Variants in PUS7 observed in about 807,000 individuals in gnomAD.
PUS7 encodes pseudouridine synthase 7.
Under a neutral mutation model 79.8 loss-of-function variants are expected in PUS7, and 48 were observed. The observed-to-expected ratio is 0.60, with a 90% CI of 0.48 to 0.76. PUS7 has a LOEUF of 0.76. PUS7 is among the 30% of genes least tolerant of loss of function. The probability of loss-of-function intolerance (pLI) is 0.00; values close to 1 mark genes in which losing one functional copy is unlikely to be tolerated. For synonymous variants in PUS7, 286 were observed against 272.2 expected (o/e 1.05, Z -0.50); for missense variants, 729 against 797.6 (o/e 0.91, Z 1.04).
intron 12 of PUS7, among the ~76,000 whole-genome samples, chr7:105,467,756 C>G (rs909415892): frequency 6.6e-6 from 1 of 151,822 alleles, no homozygotes; most frequent in African/African-American, 2.4e-5. Context: ...AGGCCGGGCA[C>G]AGTGGCTCAC....
At chr7:105,459,696 C>T (rs1388712389) in intron 14 of PUS7, among the ~76,000 whole-genome samples, 1 of 151,980 alleles carries the variant, frequency 6.6e-6, no homozygotes, top group Non-Finnish European at 1.5e-5. Flanking sequence ...CCACAGTCTC[C>T]CCAACTGCTG....
intron 12 of PUS7, among the ~76,000 whole-genome samples, chr7:105,467,038 T>G (rs1586094727): frequency 9.2e-6 from 1 of 108,884 alleles, no homozygotes; most frequent in East Asian, 2.0e-4. Flanking sequence ...TTTTCTGTTT[T>G]TTTTTTTTTT....
intron 9 of PUS7, among the ~76,000 whole-genome samples, chr7:105,477,473 C>T (rs970150872): frequency 1.3e-5 from 2 of 152,038 alleles, no homozygotes; most frequent in African/African-American, 4.8e-5. Context: ...TGGTCTTGAA[C>T]TCCCGACCTC....
At chr7:105,462,577 T>A in intron 14 of PUS7, 44 bp downstream of exon 14, 1 of 1,606,662 alleles carries the variant, frequency 6.2e-7, no homozygotes, top group Non-Finnish European at 8.5e-7. Flanking sequence ...AGCTTACAAC[T>A]TATATGGTAA....
intron 5 of PUS7, among the ~76,000 whole-genome samples, chr7:105,499,192 G>A (rs1229980224): frequency 2.6e-5 from 4 of 152,124 alleles, no homozygotes; most frequent in Non-Finnish European, 5.9e-5. Context: ...TAATTATCTT[G>A]CTGGACCTAT....
intron 9 of PUS7, 125 bp from the exon 10 acceptor site, chr7:105,472,318 C>T (rs906001449): frequency 1.2e-5 from 7 of 585,700 alleles, no homozygotes; most frequent in African/African-American, 1.9e-5. Context: ...CCAGGCTCTA[C>T]TCCCAGGCTC....
At chr7:105,500,055 T>C (rs374491051) in intron 5 of PUS7, among the ~76,000 whole-genome samples, 2 of 152,048 alleles carry the variant, frequency 1.3e-5, no homozygotes, top group East Asian at 3.9e-4. Flanking sequence ...TGGCCTTCCA[T>C]GAGGAGGTGG....
rs1823197259 is a variant in PUS7 at position 105,456,571 on chromosome 7, T to G, written c.*1219A>C. On this transcript the variant is annotated 3_prime_UTR_variant, in exon 16 of 16. Transcript: ENST00000469408. ...GTAGAAAGGAGATTTTAAAAATATT[T>G]ATTACATTTGTTTCTAGAAATCATA... The G allele has an allele frequency of 6.6e-6, 1 of 152,202 alleles. No individual in the cohort carries two copies. The highest frequency in any genetic ancestry group is 6.5e-5 in the Admixed American group (1 of 15,270). The allele number at this position is 152,202 out of a possible 1,614,324, so 9.4% of individuals were successfully genotyped here.
At chr7:105,514,384 C>T (rs1007733669) in intron 1 of PUS7, among the ~76,000 whole-genome samples, 46 of 152,248 alleles carry the variant, frequency 3.0e-4, no homozygotes, top group African/African-American at 1.1e-3. Flanking sequence ...GCAGGTGGAT[C>T]ACAAGGTCAA....
Position 105,513,833 on chromosome 7 carries a change from G to A in PUS7, c.-32-5289C>T, listed in dbSNP as rs1485838748. Among the ~76,000 whole-genome samples, 14 of 126,416 alleles carry A rather than the reference G, an allele frequency of 1.1e-4. No individual in the cohort carries two copies. In the East Asian group the frequency reaches 2.8e-3, roughly 25 times the overall value. 82.9% of individuals were successfully genotyped at this position (126,416 alleles called of 152,430 possible). A position where few individuals can be genotyped will look rare whatever the true frequency, so the allele number is the denominator to read the frequency against. ...AGCCTGGGTGACAGAGCAAGACTCCGTCTCAAAAAAAAAAAAAAAATAGTT... is the reference window on the plus strand; with the variant it reads ...AGCCTGGGTGACAGAGCAAGACTCCATCTCAAAAAAAAAAAAAAAATAGTT... On this transcript the variant is annotated intron_variant, in intron 1 of 15. Coordinates refer to ENST00000469408, the MANE Select transcript of PUS7 (RefSeq NM_019042.5).
intron 5 of PUS7, among the ~76,000 whole-genome samples, chr7:105,496,218 TATATATATAGAGAG>T (rs1825019208): frequency 4.9e-5 from 4 of 81,834 alleles, no homozygotes; most frequent in African/African-American, 1.1e-4. Flanking sequence ...TATATATATA[TATATATATAGAGAG>T]AGAGAGAGAG....
At chr7:105,465,661 C>T (rs573074849) in intron 12 of PUS7, among the ~76,000 whole-genome samples, 42 of 151,932 alleles carry the variant, frequency 2.8e-4, no homozygotes, top group South Asian at 6.2e-4. Flanking sequence ...GGAGAAACCC[C>T]GTCTCTACTA....
chr7:105,462,523 G>T, intron 14 of PUS7, 98 bp downstream of exon 14: 1 of 1,298,572 alleles, frequency 7.7e-7, no homozygotes. Flanking sequence ...GTCACTGACT[G>T]AAAATTCTTG....
chr7:105,496,583 G>T (rs1825046104), intron 5 of PUS7, among the ~76,000 whole-genome samples: 1 of 152,138 alleles, frequency 6.6e-6, no homozygotes, highest in East Asian at 1.9e-4. Context: ...TACCGAAGCT[G>T]GTACTTGGAT....
At chr7:105,516,276 A>T (rs894282287) in intron 1 of PUS7, among the ~76,000 whole-genome samples, 3 of 152,110 alleles carry the variant, frequency 2.0e-5, no homozygotes, top group Admixed American at 2.0e-4. Context: ...TATAGTACCA[A>T]TGATTTTTAA....
chr7:105,463,190 G>A (rs1823504879), intron 13 of PUS7, among the ~76,000 whole-genome samples: 1 of 152,198 alleles, frequency 6.6e-6, no homozygotes, highest in East Asian at 1.9e-4. Context: ...CGCACCTGAT[G>A]TAGAGTCTTT....
At chr7:105,496,220 T>TAG (rs1350234352) in intron 5 of PUS7, among the ~76,000 whole-genome samples, 53 of 83,286 alleles carry the variant, frequency 6.4e-4, no homozygotes, top group Non-Finnish European at 7.9e-4. Context: ...TATATATATA[T>TAG]ATATATAGAG....
At position 105,465,325 on chromosome 7, in the gene PUS7, G is replaced by C; in HGVS notation, c.1615C>G (p.Pro539Ala). 2 of 1,608,196 alleles carry C rather than the reference G, an allele frequency of 1.2e-6. No homozygotes were observed. The highest frequency in any genetic ancestry group is 1.7e-6 in the Non-Finnish European group (2 of 1,175,036). The change falls in exon 13 of 16, where the codon CCA becomes GCA. Residue 539 changes from proline (P) to alanine (A), a missense_variant. Transcript: ENST00000469408. The part of the protein sequence containing the change: ...MPLPGFDVIY[P>A]KHKIQEAYRE... ...ACAGGGAACTTACTTTTATGCTTTGGGTAGATAACATCGAAACCAGGCAAG... is the reference window on the plus strand; with the variant it reads ...ACAGGGAACTTACTTTTATGCTTTGCGTAGATAACATCGAAACCAGGCAAG...
At chr7:105,498,513 C>T (rs774054397) in intron 5 of PUS7, among the ~76,000 whole-genome samples, 3 of 152,100 alleles carry the variant, frequency 2.0e-5, no homozygotes, top group Non-Finnish European at 2.9e-5. Flanking sequence ...AAATGGAAAC[C>T]AGATAAAAGG....
Sources: allele counts gnomAD v4.1 joint callset (sites outside exome capture counted in the v4.1 genomes callset), GRCh38; gene constraint gnomAD v4.1.1; transcripts MANE v1.5; gene names NCBI Gene and HGNC (gene_info 2026-07-23, HGNC 2026-07-21).